MTUS2: variants seen among roughly 807,000 people sequenced by gnomAD.
The protein encoded by MTUS2 is microtubule associated scaffold protein 2, also known as microtubule-associated tumor suppressor candidate 2.
In MTUS2, 40 loss-of-function variants were observed where a neutral mutation model predicts 114.1. The observed-to-expected ratio is 0.35, with a 90% CI of 0.27 to 0.46. The LOEUF is 0.46. Ranked by LOEUF, MTUS2 falls within the 20% of genes least tolerant of loss-of-function variation. The probability of loss-of-function intolerance (pLI) is 1.00; values close to 1 mark genes in which losing one functional copy is unlikely to be tolerated. For missense variants in MTUS2, 1,679 were observed against 1,705.4 expected (o/e 0.98, Z 0.27); for synonymous variants, 688 against 672.0 (o/e 1.02, Z -0.37).
At position 29,025,974 on chromosome 13, in the gene MTUS2, A is replaced by T; in HGVS notation, c.1276A>T (p.Thr426Ser). 1.9e-6 allele frequency: 3 copies of T among 1,614,016 alleles called. No homozygotes were observed. Among genetic ancestry groups the T allele is most frequent in the Non-Finnish European group, 2.5e-6 (3 of 1,179,896 alleles). The change falls in exon 3 of 16, where the codon ACA (threonine) becomes TCA (serine). Residue 426 changes from threonine (T) to serine (S), a missense_variant. Thr to Ser is a moderately conservative substitution (Grantham distance 58). This residue lies in a region of MTUS2 where 843 missense variants were observed against 770.8 expected (regional missense o/e 1.09). Transcript: ENST00000612955. ...PCAGEKLGER[T>S]SSSFSPGDSH... ...TGCAGGTGAGAAGTTGGGTGAAAGGACATCCAGCAGCTTTTCACCAGGTGA... is the reference window on the plus strand; with the variant it reads ...TGCAGGTGAGAAGTTGGGTGAAAGGTCATCCAGCAGCTTTTCACCAGGTGA...
chr13:29,350,893 C>T lies in MTUS2; in HGVS notation c.2906-8369C>T, dbSNP rs372974045. ...TTCATGAGGGCCCCACTCTTGGGAC[C>T]TAATCACTTCCCAAAGGCCCCACTT... On this transcript the variant is annotated intron_variant, in intron 7 of 15. Transcript: ENST00000612955. 7.3e-5 allele frequency among the ~76,000 whole-genome samples: 11 copies of T among 150,488 alleles called. No homozygotes were observed. The East Asian group carries it at 7.8e-4, about 11-fold the overall frequency.
intron 4 of MTUS2, among the ~76,000 whole-genome samples, chr13:29,096,773 G>T (rs2138802351): frequency 6.6e-6 from 1 of 152,270 alleles, no homozygotes; most frequent in South Asian, 2.1e-4. Context: ...GCTTCTCTTG[G>T]ATTGACACTC....
intron 4 of MTUS2, among the ~76,000 whole-genome samples, chr13:29,057,866 G>A (rs1888212098): frequency 1.3e-5 from 2 of 152,038 alleles, no homozygotes; most frequent in African/African-American, 4.8e-5. Flanking sequence ...TTATTATGCA[G>A]AATTGATTGT....
chr13:29,254,734 GAC>G (rs1392151745), intron 5 of MTUS2, among the ~76,000 whole-genome samples: 1 of 152,190 alleles, frequency 6.6e-6, no homozygotes, highest in Non-Finnish European at 1.5e-5. Context: ...CTTTACTTGT[GAC>G]AAGAAATAGA....
intron 4 of MTUS2, among the ~76,000 whole-genome samples, chr13:29,049,515 C>A (rs369609016): frequency 6.6e-6 from 1 of 152,180 alleles, no homozygotes; most frequent in Non-Finnish European, 1.5e-5. Flanking sequence ...AAAGGAATGT[C>A]GAGGACTGTT....
chr13:29,453,832 G>A (rs901390806), intron 9 of MTUS2, among the ~76,000 whole-genome samples: 4 of 152,132 alleles, frequency 2.6e-5, no homozygotes, highest in South Asian at 2.1e-4. Context: ...AAGCAGGGCC[G>A]GTGTCTGGGA....
chr13:29,126,878 A>T (rs1001158391), intron 5 of MTUS2, among the ~76,000 whole-genome samples: 1 of 152,176 alleles, frequency 6.6e-6, no homozygotes, highest in Non-Finnish European at 1.5e-5. Flanking sequence ...CATGTGGTTA[A>T]TGGTACCCAT....
At chr13:28,905,586 G>T (rs572928259) in intron 2 of MTUS2, among the ~76,000 whole-genome samples, 2 of 151,544 alleles carry the variant, frequency 1.3e-5, no homozygotes, top group Non-Finnish European at 2.9e-5. Flanking sequence ...AACCAGCCTC[G>T]CATCCCAGGG....
intron 5 of MTUS2, among the ~76,000 whole-genome samples, chr13:29,208,705 G>A (rs1895297782): frequency 1.3e-5 from 2 of 152,066 alleles, no homozygotes; most frequent in Admixed American, 1.3e-4. Context: ...TCATTCAAGA[G>A]CAGGTTATTT....
intron 6 of MTUS2, among the ~76,000 whole-genome samples, chr13:29,313,133 T>A (rs7337443): frequency 0.99 from 150,911 of 152,324 alleles, 74,767 homozygotes; most frequent in Middle Eastern, 1. Flanking sequence ...GCCCCAGAGC[T>A]TTAGAACAGC....
intron 2 of MTUS2, among the ~76,000 whole-genome samples, chr13:28,851,047 T>C (rs1304622918): frequency 6.6e-6 from 1 of 152,340 alleles, no homozygotes. Context: ...TTAAAACATA[T>C]TCTGAAAAGG....
At chr13:29,299,249 C>T (rs2064261034) in intron 6 of MTUS2, among the ~76,000 whole-genome samples, 1 of 152,150 alleles carries the variant, frequency 6.6e-6, no homozygotes, top group Non-Finnish European at 1.5e-5. Context: ...GCTGTTCTTT[C>T]TGGCCAGAAG....
intron 2 of MTUS2, among the ~76,000 whole-genome samples, chr13:28,996,445 A>G (rs1022526896): frequency 2.6e-5 from 4 of 152,010 alleles, no homozygotes; most frequent in African/African-American, 7.3e-5. Flanking sequence ...CTCTTTTTCT[A>G]TTGATTGGAA....
At chr13:29,194,310 C>G (rs1488859834) in intron 5 of MTUS2, among the ~76,000 whole-genome samples, 2 of 151,934 alleles carry the variant, frequency 1.3e-5, no homozygotes, top group African/African-American at 4.8e-5. Context: ...AAGAGGCAAC[C>G]TACAAAATGG....
At chr13:29,234,640 T>C (rs919684081) in intron 5 of MTUS2, among the ~76,000 whole-genome samples, 7 of 152,224 alleles carry the variant, frequency 4.6e-5, no homozygotes, top group African/African-American at 1.7e-4. Context: ...TGATTTATAA[T>C]GCTGTTTCTG....
intron 2 of MTUS2, among the ~76,000 whole-genome samples, chr13:28,867,488 A>G (rs1283639920): frequency 6.6e-6 from 1 of 152,242 alleles, no homozygotes; most frequent in Admixed American, 6.5e-5. Flanking sequence ...TCTCTTGAGC[A>G]AAGTTTCACT....
At chr13:29,256,523 C>A (rs1897288281) in intron 5 of MTUS2, among the ~76,000 whole-genome samples, 1 of 152,218 alleles carries the variant, frequency 6.6e-6, no homozygotes, top group African/African-American at 2.4e-5. Flanking sequence ...GGCCTCCTTC[C>A]TATCGTCACA....
rs192990428 is a variant in MTUS2 at position 29,487,753 on chromosome 13, C to G, written c.3400-147C>G. 2.3e-4 allele frequency: 153 copies of G among 679,012 alleles called. 1 individual carries two copies. In the East Asian group the frequency reaches 3.4e-3, roughly 15 times the overall value. The allele number at this position is 679,012 out of a possible 1,614,324, so 42.1% of individuals were successfully genotyped here. A position where few individuals can be genotyped will look rare whatever the true frequency, so the allele number is the denominator to read the frequency against. On this transcript the variant is annotated intron_variant, in intron 10 of 15. Transcript: ENST00000612955. ...CCCGTGATTCCGAGGGCTGCCACAT[C>G]ACCACCAAAGTCCAGCTCTCCTGCT...
intron 2 of MTUS2, among the ~76,000 whole-genome samples, chr13:28,909,545 C>A (rs528173273): frequency 1.2e-3 from 179 of 152,204 alleles, no homozygotes; most frequent in Non-Finnish European, 2.4e-3. Flanking sequence ...TAATAAGAGT[C>A]ATCTGTGAGA....
Sources: gnomAD v4.1 joint callset for allele counts (sites outside exome capture counted in the v4.1 genomes callset) on GRCh38, gnomAD v4.1.1 for gene constraint, gnomAD v4.1.1 regional missense constraint, MANE v1.5 for transcripts, NCBI Gene and HGNC (gene_info 2026-07-23, HGNC 2026-07-21) for gene names.